The following VPS50 variants were observed in gnomAD, a reference collection of about 807,000 sequenced individuals.
VPS50 encodes the protein syndetin.
A neutral mutation model predicts 139.7 loss-of-function variants in VPS50; 70 were observed. The ratio of observed to expected loss-of-function variants is 0.50; its 90% CI spans 0.41 to 0.61. The LOEUF (loss-of-function observed/expected upper bound fraction) is 0.61, where lower values mean the gene tolerates loss of function less well. VPS50 is among the 20% of genes least tolerant of loss of function. VPS50 has a pLI of 0.00. For synonymous variants in VPS50, 365 were observed against 376.7 expected (o/e 0.97, Z 0.36); for missense variants, 921 against 1,133.7 (o/e 0.81, Z 2.69).
chr7:93,324,265 T>C (rs1264378787), intron 21 of VPS50, among the ~76,000 whole-genome samples: 6 of 152,186 alleles, frequency 3.9e-5, no homozygotes, highest in Admixed American at 3.3e-4. Flanking sequence ...TTTTCCTAAT[T>C]GAATACCCTT....
At chr7:93,233,262 G>T (rs965284984) in intron 1 of VPS50, among the ~76,000 whole-genome samples, 1 of 152,100 alleles carries the variant, frequency 6.6e-6, no homozygotes, top group Non-Finnish European at 1.5e-5. Flanking sequence ...TATTGATTAT[G>T]ACTTTGTTTT....
chr7:93,341,544 T>C lies in VPS50; in HGVS notation c.2176T>C (p.Leu726=). The part of the protein sequence containing the change: ...VLTSGDTLYG[L]AERVVATESL... ...GACATCTGGGGATACGCTGTATGGG[T>C]TGGCAGAAAGAGTGGTAGCCACGGA... The change falls in exon 23 of 28, where the codon TTG becomes CTG. Residue 726 remains leucine (L), a synonymous_variant. Transcript: ENST00000305866. 1 of 1,610,662 alleles carries C rather than the reference T, an allele frequency of 6.2e-7. No individual in the cohort carries two copies. The highest frequency in any genetic ancestry group is 1.3e-5 in the African/African-American group (1 of 74,806).
chr7:93,330,690 G>A (rs1327076751), intron 21 of VPS50, among the ~76,000 whole-genome samples: 1 of 146,396 alleles, frequency 6.8e-6, no homozygotes, highest in Non-Finnish European at 1.5e-5. Flanking sequence ...GGAGGTCGAG[G>A]CTGCAGTGAG....
chr7:93,307,173 G>A (rs2116978667), intron 18 of VPS50, among the ~76,000 whole-genome samples: 1 of 151,990 alleles, frequency 6.6e-6, no homozygotes, highest in Admixed American at 6.6e-5. Flanking sequence ...TATAGGATTA[G>A]GTTCCTGTGA....
chr7:93,243,740 C>G (rs1167202919), intron 2 of VPS50, among the ~76,000 whole-genome samples: 1 of 151,714 alleles, frequency 6.6e-6, no homozygotes, highest in Non-Finnish European at 1.5e-5. Flanking sequence ...ATAGTAGAGC[C>G]ACAACGTTAT....
chr7:93,287,008 T>A (rs199500329), intron 12 of VPS50, among the ~76,000 whole-genome samples: 18,551 of 139,628 alleles, frequency 0.13, 1,782 homozygotes, highest in East Asian at 0.39. Context: ...TTTTTTTTTT[T>A]TAAAAAAAAA....
intron 9 of VPS50, among the ~76,000 whole-genome samples, chr7:93,260,449 A>G (rs760055193): frequency 3.3e-5 from 5 of 152,216 alleles, no homozygotes; most frequent in Non-Finnish European, 5.9e-5. Context: ...TTCAGTGAGC[A>G]TGACTCACTG....
intron 21 of VPS50, among the ~76,000 whole-genome samples, chr7:93,332,582 T>C (rs1263649857): frequency 2.0e-5 from 3 of 152,198 alleles, no homozygotes; most frequent in East Asian, 1.9e-4. Flanking sequence ...TAAAAACATA[T>C]TTAGTATATG....
Position 93,361,004 on chromosome 7 carries a change from A to T in VPS50, c.*2568A>T, listed in dbSNP as rs1412119963. The T allele has an allele frequency of 6.6e-6, 1 of 151,882 alleles. No individual in the cohort carries two copies. Among genetic ancestry groups the T allele is most frequent in the Non-Finnish European group, 1.5e-5 (1 of 67,942 alleles). The allele number at this position is 151,882 out of a possible 1,614,324, so 9.4% of individuals were successfully genotyped here. A position where few individuals can be genotyped will look rare whatever the true frequency, so the allele number is the denominator to read the frequency against. Reference sequence around the variant, plus strand: ...GAAATTTCTATTTAGCTGAGTGCTAAAGTGAAACTTTGTTAGATTAAATAG... The same window carrying T: ...GAAATTTCTATTTAGCTGAGTGCTATAGTGAAACTTTGTTAGATTAAATAG... On this transcript the variant is annotated 3_prime_UTR_variant, in exon 28 of 28. Coordinates refer to ENST00000305866, the MANE Select transcript of VPS50 (RefSeq NM_017667.4).
Sources: allele counts gnomAD v4.1 joint callset (sites outside exome capture counted in the v4.1 genomes callset), GRCh38; gene constraint gnomAD v4.1.1; transcripts MANE v1.5; gene names NCBI Gene and HGNC (gene_info 2026-07-23, HGNC 2026-07-21).